The following GAS2L2 variants were observed in gnomAD, a reference collection of about 807,000 sequenced individuals.
GAS2L2 encodes the protein growth arrest specific 2 like 2.
Under a neutral mutation model 35.2 loss-of-function variants are expected in GAS2L2, and 21 were observed. The observed-to-expected ratio is 0.60, with a 90% CI of 0.42 to 0.86. The LOEUF (loss-of-function observed/expected upper bound fraction) is 0.86, where lower values mean the gene tolerates loss of function less well. Among genes scored for constraint, GAS2L2 ranks in the 40% least tolerant of loss-of-function variants. GAS2L2 has a pLI of 0.00. For synonymous variants in GAS2L2, 490 were observed against 473.2 expected (o/e 1.04, Z -0.46); for missense variants, 1,169 against 1,144.4 (o/e 1.02, Z -0.31).
At chr17:35,751,529 G>A (rs781984366) in intron 1 of GAS2L2, among the ~76,000 whole-genome samples, 4 of 151,978 alleles carry the variant, frequency 2.6e-5, no homozygotes, top group East Asian at 1.9e-4. Flanking sequence ...TTAGCCAGGC[G>A]TGGTGGCGGG....
rs200239810 is a variant in GAS2L2 at position 35,745,509 on chromosome 17, G to C, written c.1988C>G (p.Pro663Arg). Residue 663 changes from proline (P) to arginine (R), a missense_variant, in exon 6 of 6, where the codon CCA (proline) becomes CGA (arginine). Physicochemically the swap from Pro to Arg is moderately radical, Grantham distance 103 (BLOSUM62 -2). Transcript: ENST00000604641. Reference protein sequence around the residue: ...KAIQELAQGSPSLLKVDLEAW... With the variant: ...KAIQELAQGSRSLLKVDLEAW... ...TTCCAGGTCCACTTTAAGGAGGGAT[G>C]GGGACCCCTGAGCCAGTTCTTGGAT... 2 of 1,609,350 alleles carry C rather than the reference G, an allele frequency of 1.2e-6. No individual in the cohort carries two copies. Among genetic ancestry groups the C allele is most frequent in the Admixed American group, 1.7e-5 (1 of 59,794 alleles).
rs782560287 is a variant in GAS2L2 at position 35,746,216 on chromosome 17, GCTGT to G, written c.1277_1280del (p.Asp426AlafsTer74). 4.7e-6 allele frequency: 7 copies of G among 1,481,198 alleles called. No homozygotes were observed. Among genetic ancestry groups the G allele is most frequent in the African/African-American group, 1.4e-5 (1 of 71,296 alleles). 91.8% of individuals were successfully genotyped at this position (1,481,198 alleles called of 1,614,324 possible). ...TGGGGTTCCCGGCGTCGGTTCCCCA[GCTGT>G]CTGTTTCTTCATGAACCCAAGATGT... On this transcript the variant is annotated frameshift_variant, in exon 6 of 6. Transcript: ENST00000604641. LOFTEE classifies it low-confidence loss of function (END_TRUNC).
Position 35,744,792 on chromosome 17 carries a change from T to TA in GAS2L2, c.*61_*62insT. 1.6e-6 allele frequency: 2 copies of TA among 1,271,266 alleles called. No homozygotes were observed. The highest frequency in any genetic ancestry group is 2.2e-6 in the Non-Finnish European group (2 of 912,386). 78.7% of individuals were successfully genotyped at this position (1,271,266 alleles called of 1,614,324 possible). On this transcript the variant is annotated 3_prime_UTR_variant, in exon 6 of 6. Coordinates refer to ENST00000604641, the MANE Select transcript of GAS2L2 (RefSeq NM_139285.4). Reference sequence around the variant, plus strand: ...AACATCCCTTCTGTTCCCGCAGCTGTGAATCCAGTGTATACATGGCCATCC... The same window carrying TA: ...AACATCCCTTCTGTTCCCGCAGCTGTAGAATCCAGTGTATACATGGCCATCC...
rs782147689 is a variant in GAS2L2 at position 35,745,639 on chromosome 17, C to T, written c.1858G>A (p.Ala620Thr). The stretch of plus-strand genomic sequence containing the variant: ...CCAGACCTTGTGCCCTGCGGACAGG[C>T]ACTCCTGACTTCTAGCAGCTTCATG... ...GNMKLLEVRS[A>T]CPQGTRSGVI... The change falls in exon 6 of 6, where the codon GCC becomes ACC. Residue 620 changes from alanine to threonine, a missense_variant. Transcript: ENST00000604641. 1.9e-6 allele frequency: 3 copies of T among 1,613,958 alleles called. No individual in the cohort carries two copies. Among genetic ancestry groups the T allele is most frequent in the Non-Finnish European group, 2.5e-6 (3 of 1,180,044 alleles).
At chr17:35,746,703 A>G (rs587686121) in intron 5 of GAS2L2, among the ~76,000 whole-genome samples, 2 of 152,316 alleles carry the variant, frequency 1.3e-5, no homozygotes, top group Admixed American at 6.5e-5. Flanking sequence ...GCCTCAGACC[A>G]GTTGCAGGGC....
At chr17:35,750,358 A>G (rs1555599633) in intron 1 of GAS2L2, 40 bp from the exon 2 acceptor site, 23 of 1,613,450 alleles carry the variant, frequency 1.4e-5, no homozygotes, top group Non-Finnish European at 1.9e-5. Flanking sequence ...AGGCAGCGTG[A>G]GCCCCCAGAG....
chr17:35,752,904 T>C lies in GAS2L2; in HGVS notation c.-54A>G. The stretch of plus-strand genomic sequence containing the variant: ...GCACCTCCCCTCTCCCACTGCCGCC[T>C]CTTTCCTCCCGCTGCTGCTGGGTCT... On this transcript the variant is annotated 5_prime_UTR_variant, in exon 1 of 6. Transcript: ENST00000604641. 11 of 1,514,870 alleles carry C rather than the reference T, an allele frequency of 7.3e-6. No individual in the cohort carries two copies. The highest frequency in any genetic ancestry group is 7.1e-6 in the Non-Finnish European group (8 of 1,131,030). 93.8% of individuals were successfully genotyped at this position (1,514,870 alleles called of 1,614,324 possible).
chr17:35,747,410 C>G, intron 4 of GAS2L2, 142 bp from the exon 5 acceptor site: 1 of 991,854 alleles, frequency 1.0e-6, no homozygotes, highest in Non-Finnish European at 1.5e-6. Flanking sequence ...ACCGGAGTTT[C>G]TTTACGGGAG....
In GAS2L2 at chr17:35,745,075, TG is replaced by T. The variant is rs781951781; in HGVS notation, c.2421del (p.Arg808GlyfsTer9). On this transcript the variant is annotated frameshift_variant, in exon 6 of 6. Transcript: ENST00000604641. LOFTEE classifies it low-confidence loss of function (END_TRUNC). ...AACAGCCTGTCCTTGGGGGGCTGCCTGGCTGGACCCAGGAAGACATAGGCCA... is the reference window on the plus strand; with the variant it reads ...AACAGCCTGTCCTTGGGGGGCTGCCTGCTGGACCCAGGAAGACATAGGCCA... ...RPLAYVFLGP[A>X]RQPPKDRLLR... 1 of 1,613,756 alleles carries T rather than the reference TG, an allele frequency of 6.2e-7. No homozygotes were observed. The highest frequency in any genetic ancestry group is 2.2e-5 in the East Asian group (1 of 44,880).
rs782596403 is a variant in GAS2L2, at chr17:35,747,236, C to T, written c.865G>A (p.Ala289Thr). 71 of 1,612,498 alleles carry T rather than the reference C, an allele frequency of 4.4e-5. No homozygotes were observed. The highest frequency in any genetic ancestry group is 5.9e-5 in the Non-Finnish European group (69 of 1,179,228). Residue 289 changes from alanine to threonine, a missense_variant, in exon 5 of 6, where the codon GCC (alanine) becomes ACC (threonine). Transcript: ENST00000604641. ...HKPGSFLKPP[A>T]PPVQHEVRVQ... ...CTTACTTCATGCTGCACTGGTGGGG[C>T]CGGGGGCTTCAGGAAGCTGCCTGGC...
chr17:35,747,819 C>T (rs912636599), intron 4 of GAS2L2, 30 bp downstream of exon 4: 7 of 1,595,518 alleles, frequency 4.4e-6, no homozygotes, highest in Non-Finnish European at 6.0e-6. Context: ...TCAACCAACC[C>T]CACAGGGAGA....
chr17:35,748,804 G>C (rs968808239), intron 3 of GAS2L2, among the ~76,000 whole-genome samples: 1 of 152,212 alleles, frequency 6.6e-6, no homozygotes, highest in Admixed American at 6.5e-5. Context: ...TTAGGCTACA[G>C]TGGAGGAGAG....
At position 35,752,995 on chromosome 17, in the gene GAS2L2, G is replaced by A. The variant is rs1195380556; in HGVS notation, c.-145C>T. 1.2e-6 allele frequency: 1 copy of A among 848,452 alleles called. No individual in the cohort carries two copies. The highest frequency in any genetic ancestry group is 2.9e-5 in the Admixed American group (1 of 34,464). 52.6% of individuals were successfully genotyped at this position (848,452 alleles called of 1,614,324 possible). Reference sequence around the variant, plus strand: ...CTGAGAGCCCGGGACCTCCAGTGCTGCTACTTGCCACTGGCTTCAGCTGCC... The same window carrying A: ...CTGAGAGCCCGGGACCTCCAGTGCTACTACTTGCCACTGGCTTCAGCTGCC... On this transcript the variant is annotated 5_prime_UTR_variant, in exon 1 of 6. Transcript: ENST00000604641.
chr17:35,751,408 C>A (rs2085702462), intron 1 of GAS2L2, among the ~76,000 whole-genome samples: 1 of 152,190 alleles, frequency 6.6e-6, no homozygotes, highest in Non-Finnish European at 1.5e-5. Context: ...TGGCTCACAC[C>A]TGCAATCTCG....
intron 3 of GAS2L2, 127 bp downstream of exon 3, chr17:35,748,983 A>G (rs2085686447): frequency 7.9e-6 from 5 of 633,014 alleles, no homozygotes; most frequent in Non-Finnish European, 1.4e-5. Flanking sequence ...AAAGTCCCAT[A>G]TTCTGGGAGG....
In GAS2L2 at chr17:35,745,410, A is replaced by G. The variant is rs782141710; in HGVS notation, c.2087T>C (p.Leu696Ser). Reference protein sequence around the residue: ...TPGPGSLKGKLGARQSGPRTK... With the variant: ...TPGPGSLKGKSGARQSGPRTK... ...CCTGGGCCCACTCTGTCTGGCTCCCAACTTCCCTTTGAGGCTTCCCGGTCC... is the reference window on the plus strand; with the variant it reads ...CCTGGGCCCACTCTGTCTGGCTCCCGACTTCCCTTTGAGGCTTCCCGGTCC... Residue 696 changes from leucine to serine, a missense_variant, in exon 6 of 6, where the codon TTG (leucine) becomes TCG (serine). Physicochemically the swap from Leu to Ser is moderately radical, Grantham distance 145. Transcript: ENST00000604641. 6.4e-7 allele frequency: 1 copy of G among 1,573,316 alleles called. No individual in the cohort carries two copies. Among genetic ancestry groups the G allele is most frequent in the Non-Finnish European group, 8.6e-7 (1 of 1,158,924 alleles).
chr17:35,750,314 C>A lies in GAS2L2; in HGVS notation c.390G>T (p.Val130=), dbSNP rs2085696192. 1 of 1,613,808 alleles carries A rather than the reference C, an allele frequency of 6.2e-7. No homozygotes were observed. The highest frequency in any genetic ancestry group is 8.5e-7 in the Non-Finnish European group (1 of 1,179,964). The change falls in exon 2 of 6, where the codon GTG becomes GTT. Residue 130 remains valine, a synonymous_variant. Coordinates refer to ENST00000604641, the MANE Select transcript of GAS2L2 (RefSeq NM_139285.4). ...CCAAGTCCTCCGTCTCGAACATCAGCACCTCTGGAGTGGAGGCGGGGAGAA... is the reference window on the plus strand; with the variant it reads ...CCAAGTCCTCCGTCTCGAACATCAGAACCTCTGGAGTGGAGGCGGGGAGAA... The part of the protein sequence containing the change: ...WCRKEMGIQE[V]LMFETEDLVL...
At chr17:35,751,970 T>C (rs2085706725) in intron 1 of GAS2L2, among the ~76,000 whole-genome samples, 1 of 147,512 alleles carries the variant, frequency 6.8e-6, no homozygotes, top group African/African-American at 2.5e-5. Context: ...AATTCTCCTA[T>C]CTCAGCCTGC....
In GAS2L2 at chr17:35,752,456, G is replaced by T; in HGVS notation, c.385+10C>A. 6.4e-7 allele frequency: 1 copy of T among 1,565,786 alleles called. No homozygotes were observed. Among genetic ancestry groups the T allele is most frequent in the Non-Finnish European group, 8.7e-7 (1 of 1,149,136 alleles). On this transcript the variant is annotated intron_variant, in intron 1 of 5. Transcript: ENST00000604641. Reference sequence around the variant, plus strand: ...CATCTGGAATGGGGACGAGGGTGCAGCGTGGTTACCTTGGATGCCCATCTC... The same window carrying T: ...CATCTGGAATGGGGACGAGGGTGCATCGTGGTTACCTTGGATGCCCATCTC...
Sources: allele counts gnomAD v4.1 joint callset (sites outside exome capture counted in the v4.1 genomes callset), GRCh38; gene constraint gnomAD v4.1.1; transcripts MANE v1.5; gene names NCBI Gene and HGNC (gene_info 2026-07-23, HGNC 2026-07-21).